Variants in NBAS observed in about 807,000 individuals in gnomAD.
The protein encoded by NBAS is NAG/BC035112 fusion.
A neutral mutation model predicts 302.5 loss-of-function variants in NBAS; 219 were observed. That is an observed-to-expected ratio of 0.72 (90% CI 0.65 to 0.81). The LOEUF is 0.81. Among genes scored for constraint, NBAS ranks in the 30% least tolerant of loss-of-function variants. NBAS has a pLI of 0.00. For missense variants in NBAS, 2,932 were observed against 2,841.6 expected, an observed-to-expected ratio of 1.03 and a Z score of -0.72; for synonymous variants, 1,118 against 1,021.6, an observed-to-expected ratio of 1.09 and a Z score of -1.80.
chr2:15,467,919 G>A (rs574615231), intron 17 of NBAS, 115 bp from the exon 18 acceptor site: 260 of 1,008,224 alleles, frequency 2.6e-4, no homozygotes, highest in Non-Finnish European at 3.3e-4. Flanking sequence ...ACAGAAGAAA[G>A]TATTTGAAAA....
the NBAS span, among the ~76,000 whole-genome samples, chr2:14,869,054 G>GA: frequency 3.9e-5 from 6 of 152,246 alleles, no homozygotes; most frequent in South Asian, 2.1e-4. Context: ...TAAAGAAATA[G>GA]AAAAAACTCT....
At chr2:15,479,903 C>T (rs1033618735) in intron 12 of NBAS, among the ~76,000 whole-genome samples, 8 of 152,150 alleles carry the variant, frequency 5.3e-5, no homozygotes, top group Non-Finnish European at 1.0e-4. Flanking sequence ...AGCTAAATGT[C>T]GAATAAGTAA....
intron 21 of NBAS, among the ~76,000 whole-genome samples, chr2:15,454,796 T>C (rs1385522165): frequency 6.6e-6 from 1 of 152,198 alleles, no homozygotes; most frequent in East Asian, 1.9e-4. Flanking sequence ...GCCACTCTTC[T>C]GATACTCACC....
intron 51 of NBAS, among the ~76,000 whole-genome samples, chr2:15,170,419 C>G (rs748170198): frequency 6.6e-6 from 1 of 152,190 alleles, no homozygotes; most frequent in Non-Finnish European, 1.5e-5. Context: ...GCTAAAGACA[C>G]GGAAATGAAA....
intron 46 of NBAS, 28 bp downstream of exon 46, chr2:15,234,517 T>G (rs1667506948): frequency 1.2e-6 from 2 of 1,609,702 alleles, no homozygotes; most frequent in African/African-American, 1.3e-5. Context: ...CACCCCAGTT[T>G]TTCCACAATG....
downstream of NBAS, among the ~76,000 whole-genome samples, chr2:15,162,123 T>C (rs1663913432): frequency 6.6e-6 from 1 of 151,998 alleles, no homozygotes; most frequent in South Asian, 2.1e-4. Context: ...CTTAAAGTCG[T>C]ATTAGCCAGG....
intron 51 of NBAS, chr2:15,178,130 C>T: frequency 4.3e-6 from 2 of 470,530 alleles, no homozygotes; most frequent in South Asian, 3.1e-5. Context: ...CTAGATTCTC[C>T]TTCCTTCTCT....
the NBAS span, among the ~76,000 whole-genome samples, chr2:14,795,405 G>A: frequency 6.6e-6 from 1 of 151,642 alleles, no homozygotes; most frequent in Non-Finnish European, 1.5e-5. Flanking sequence ...TTGGTGAAAT[G>A]TCTATTCAAA....
chr2:14,963,115 A>G, the NBAS span, among the ~76,000 whole-genome samples: 1 of 152,062 alleles, frequency 6.6e-6, no homozygotes, highest in Non-Finnish European at 1.5e-5. Context: ...CTAAAAATAT[A>G]AAAGTAGCCT....
chr2:14,918,330 A>AAAT, the NBAS span, among the ~76,000 whole-genome samples: 9 of 147,878 alleles, frequency 6.1e-5, no homozygotes, highest in African/African-American at 2.0e-4. Context: ...AAAAAAAAAA[A>AAAT]CAATGTAATG....
chr2:14,807,144 G>C, the NBAS span, among the ~76,000 whole-genome samples: 30 of 152,148 alleles, frequency 2.0e-4, no homozygotes, highest in East Asian at 4.8e-3. Flanking sequence ...AAATATCAGG[G>C]GGGGGTTCAC....
chr2:15,292,485 A>C (rs2148112166), intron 41 of NBAS, 52 bp downstream of exon 41: 7 of 1,568,024 alleles, frequency 4.5e-6, no homozygotes, highest in South Asian at 3.4e-5. Context: ...AACTGAACTT[A>C]TTCTTTTGCA....
At chr2:15,057,120 G>A in the NBAS span, among the ~76,000 whole-genome samples, 10 of 151,820 alleles carry the variant, frequency 6.6e-5, no homozygotes, top group African/African-American at 2.2e-4. Flanking sequence ...GTGAGCCACC[G>A]CACCCTGCCC....
chr2:14,892,177 C>T, the NBAS span, among the ~76,000 whole-genome samples: 5,786 of 152,178 alleles, frequency 0.038, 139 homozygotes, highest in Non-Finnish European at 0.051. Context: ...CAGGCATAAG[C>T]CAATGCTCTG....
At chr2:15,047,885 T>C in the NBAS span, among the ~76,000 whole-genome samples, 1 of 152,252 alleles carries the variant, frequency 6.6e-6, no homozygotes, top group African/African-American at 2.4e-5. Flanking sequence ...GTTCCTCAAC[T>C]GTAAAATGGG....
At chr2:14,830,719 A>C in the NBAS span, among the ~76,000 whole-genome samples, 2 of 152,068 alleles carry the variant, frequency 1.3e-5, no homozygotes, top group Non-Finnish European at 2.9e-5. Context: ...ATGAATGAAA[A>C]ACAAAGCCCC....
chr2:15,518,313 T>A (rs1464811743), intron 9 of NBAS, among the ~76,000 whole-genome samples: 2 of 152,172 alleles, frequency 1.3e-5, no homozygotes, highest in East Asian at 1.9e-4. Context: ...ATTATTAGAT[T>A]TTTTTAAGAA....
the NBAS span, among the ~76,000 whole-genome samples, chr2:15,077,943 A>C: frequency 6.6e-6 from 1 of 152,008 alleles, no homozygotes. Context: ...CAGCCTCCCA[A>C]AATGCTGGGA....
chr2:15,089,300 T>C, the NBAS span, among the ~76,000 whole-genome samples: 1 of 152,094 alleles, frequency 6.6e-6, no homozygotes, highest in African/African-American at 2.4e-5. Flanking sequence ...AATTTTAGAA[T>C]TCTTCAAGGT....
Sources: allele counts gnomAD v4.1 joint callset (sites outside exome capture counted in the v4.1 genomes callset), GRCh38; gene constraint gnomAD v4.1.1; transcripts MANE v1.5; gene names NCBI Gene and HGNC (gene_info 2026-07-23, HGNC 2026-07-21).